NFE2L3: variants seen among roughly 807,000 people sequenced by gnomAD.
The protein encoded by NFE2L3 is nuclear factor erythroid 2-related factor 3.
Under a neutral mutation model 23.5 loss-of-function variants are expected in NFE2L3, and 18 were observed. That is an observed-to-expected ratio of 0.77 (90% CI 0.53 to 1.13). NFE2L3 has a LOEUF of 1.13. Among genes scored for constraint, NFE2L3 ranks in the 50% most tolerant of loss-of-function variants. The probability of loss-of-function intolerance (pLI) is 0.00; values close to 1 mark genes in which losing one functional copy is unlikely to be tolerated. For synonymous variants in NFE2L3, 424 were observed against 354.5 expected, an observed-to-expected ratio of 1.20 and a Z score of -2.20; for missense variants, 1,152 against 877.2, an observed-to-expected ratio of 1.31 and a Z score of -3.96.
intron 1 of NFE2L3, among the ~76,000 whole-genome samples, chr7:26,156,827 G>C (rs540806688): frequency 4.3e-4 from 66 of 152,120 alleles, no homozygotes; most frequent in Non-Finnish European, 7.8e-4. Flanking sequence ...AAACTGTTGG[G>C]CTGGGCCGGG....
chr7:26,169,116 G>A (rs2040786), intron 1 of NFE2L3, among the ~76,000 whole-genome samples: 79,698 of 152,044 alleles, frequency 0.52, 21,543 homozygotes, highest in East Asian at 0.69. Context: ...TACAAATTCC[G>A]TAGGCCTTTT....
intron 1 of NFE2L3, among the ~76,000 whole-genome samples, chr7:26,165,028 A>C (rs1784227300): frequency 6.6e-6 from 1 of 152,196 alleles, no homozygotes; most frequent in African/African-American, 2.4e-5. Context: ...TGGTACCAGT[A>C]CCATGCTGTT....
chr7:26,166,132 G>A, intron 1 of NFE2L3, among the ~76,000 whole-genome samples: 1 of 104,776 alleles, frequency 9.5e-6, no homozygotes, highest in Non-Finnish European at 1.9e-5. Flanking sequence ...GCGAGCGGGT[G>A]GGGCGGGGGG....
chr7:26,163,479 TA>T (rs1784202456), intron 1 of NFE2L3, among the ~76,000 whole-genome samples: 1 of 152,128 alleles, frequency 6.6e-6, no homozygotes, highest in African/African-American at 2.4e-5. Flanking sequence ...CCCAAGTAGC[TA>T]AGATTACAAG....
At chr7:26,154,732 G>C (rs928621536) in intron 1 of NFE2L3, among the ~76,000 whole-genome samples, 1 of 152,178 alleles carries the variant, frequency 6.6e-6, no homozygotes, top group Non-Finnish European at 1.5e-5. Context: ...TGTAGAGACA[G>C]GTCTCGCTAT....
At chr7:26,171,678 A>G (rs1784329884) in intron 1 of NFE2L3, among the ~76,000 whole-genome samples, 2 of 152,154 alleles carry the variant, frequency 1.3e-5, no homozygotes. Flanking sequence ...TCTTTCACTT[A>G]CCATAACTTG....
chr7:26,180,631 A>G (rs1784490569), intron 2 of NFE2L3, among the ~76,000 whole-genome samples: 1 of 152,214 alleles, frequency 6.6e-6, no homozygotes, highest in Non-Finnish European at 1.5e-5. Context: ...ACTGAATTGT[A>G]TATTGCCTTT....
intron 3 of NFE2L3, 82 bp downstream of exon 3, chr7:26,183,866 G>A (rs1482250195): frequency 2.2e-6 from 2 of 904,228 alleles, no homozygotes; most frequent in East Asian, 2.4e-5. Flanking sequence ...CCTTTACTTG[G>A]ATGACACAGC....
At chr7:26,171,183 AAAG>A (rs1784323481) in intron 1 of NFE2L3, among the ~76,000 whole-genome samples, 1 of 152,196 alleles carries the variant, frequency 6.6e-6, no homozygotes, top group Non-Finnish European at 1.5e-5. Context: ...ACACGTGTGC[AAAG>A]AAGTATGGAT....
chr7:26,171,889 C>G (rs546478646), intron 1 of NFE2L3, among the ~76,000 whole-genome samples: 1 of 152,282 alleles, frequency 6.6e-6, no homozygotes, highest in East Asian at 1.9e-4. Context: ...GTGAAGGGGG[C>G]AGGGTCTGAT....
At chr7:26,179,795 G>T (rs1228013687) in intron 2 of NFE2L3, among the ~76,000 whole-genome samples, 1 of 152,206 alleles carries the variant, frequency 6.6e-6, no homozygotes, top group Non-Finnish European at 1.5e-5. Flanking sequence ...ATTTCTCTGG[G>T]GTTGAGGGTG....
rs1024158656 is a variant in NFE2L3 at position 26,178,027 on chromosome 7, A to G, written c.655A>G (p.Lys219Glu). ...AAATGAAGAAAGGGTGTCAGCCCAGAAGGAGAACTCACTTCAGCAGAATGA... is the reference window on the plus strand; with the variant it reads ...AAATGAAGAAAGGGTGTCAGCCCAGGAGGAGAACTCACTTCAGCAGAATGA... Reference protein sequence around the residue: ...EENEERVSAQKENSLQQNDDD... With the variant: ...EENEERVSAQEENSLQQNDDD... Residue 219 changes from lysine to glutamate, a missense_variant, in exon 2 of 4, where the codon AAG (lysine) becomes GAG (glutamate). Coordinates refer to ENST00000056233, the MANE Select transcript of NFE2L3 (RefSeq NM_004289.7). The G allele has an allele frequency of 7.4e-6, 12 of 1,614,052 alleles. No homozygotes were observed. The highest frequency in any genetic ancestry group is 3.3e-5 in the Admixed American group (2 of 60,012).
In NFE2L3 at chr7:26,184,824, A is replaced by G. The variant is rs750373538; in HGVS notation, c.1126A>G (p.Thr376Ala). 2.0e-5 allele frequency: 33 copies of G among 1,613,870 alleles called. 1 individual carries two copies. Among genetic ancestry groups the G allele is most frequent in the Middle Eastern group, 3.3e-4 (2 of 6,076 alleles). Residue 376 changes from threonine (T) to alanine (A), a missense_variant, in exon 4 of 4, where the codon ACA becomes GCA. Coordinates refer to ENST00000056233, the MANE Select transcript of NFE2L3 (RefSeq NM_004289.7). ...SPVDNHMRNLTSQDLLYDLDI... is the reference protein window; with the variant it reads ...SPVDNHMRNLASQDLLYDLDI... ...GGTTGACAATCATATGAGGAATCTAACAAGCCAAGACCTACTGTATGACCT... is the reference window on the plus strand; with the variant it reads ...GGTTGACAATCATATGAGGAATCTAGCAAGCCAAGACCTACTGTATGACCT...
intron 2 of NFE2L3, among the ~76,000 whole-genome samples, chr7:26,182,267 G>T (rs1206521917): frequency 6.6e-6 from 1 of 152,124 alleles, no homozygotes; most frequent in East Asian, 1.9e-4. Context: ...ACAGAGTACT[G>T]AGGGAAAACA....
chr7:26,158,648 G>T (rs1172380874), intron 1 of NFE2L3, among the ~76,000 whole-genome samples: 1 of 152,202 alleles, frequency 6.6e-6, no homozygotes, highest in Non-Finnish European at 1.5e-5. Context: ...GTAGGTTACA[G>T]AGAAATCATC....
intron 1 of NFE2L3, among the ~76,000 whole-genome samples, chr7:26,154,628 G>A (rs1412813779): frequency 1.3e-5 from 2 of 152,176 alleles, no homozygotes; most frequent in Non-Finnish European, 2.9e-5. Context: ...ACGACTCACT[G>A]CAGCCTCAAC....
chr7:26,158,736 C>T (rs1358362478), intron 1 of NFE2L3, among the ~76,000 whole-genome samples: 1 of 152,206 alleles, frequency 6.6e-6, no homozygotes, highest in African/African-American at 2.4e-5. Flanking sequence ...AATGAGCATG[C>T]AGGGCCCAAG....
chr7:26,184,907 T>A lies in NFE2L3; in HGVS notation c.1209T>A (p.Phe403Leu), dbSNP rs750711492. ...NLMSLATEDNFDPIDVSQLFD... is the reference protein window; with the variant it reads ...NLMSLATEDNLDPIDVSQLFD... ...TGTCATTGGCCACAGAAGACAACTT[T>A]GATCCAATCGATGTTTCTCAGCTTT... Residue 403 changes from phenylalanine to leucine, a missense_variant, in exon 4 of 4, where the codon TTT becomes TTA. Transcript: ENST00000056233. 1 of 1,613,992 alleles carries A rather than the reference T, an allele frequency of 6.2e-7. No homozygotes were observed. Among genetic ancestry groups the A allele is most frequent in the Non-Finnish European group, 8.5e-7 (1 of 1,179,862 alleles).
chr7:26,177,868 A>G (rs1007112017), intron 1 of NFE2L3, 75 bp from the exon 2 acceptor site: 10 of 1,274,510 alleles, frequency 7.8e-6, no homozygotes, highest in Middle Eastern at 1.9e-4. Flanking sequence ...GTGGGTTTTC[A>G]TGGTCCCTGA....
Sources: gnomAD v4.1 joint callset for allele counts (sites outside exome capture counted in the v4.1 genomes callset) on GRCh38, gnomAD v4.1.1 for gene constraint, MANE v1.5 for transcripts, NCBI Gene and HGNC (gene_info 2026-07-23, HGNC 2026-07-21) for gene names.